The following FGF14 variants were observed in gnomAD, a reference collection of about 807,000 sequenced individuals.
FGF14 encodes fibroblast growth factor 14.
Under a neutral mutation model 25.5 loss-of-function variants are expected in FGF14, and 5 were observed. The ratio of observed to expected loss-of-function variants is 0.20; its 90% CI spans 0.10 to 0.41. FGF14 has a LOEUF of 0.41. Ranked by LOEUF, FGF14 falls within the 10% of genes least tolerant of loss-of-function variation. The probability of loss-of-function intolerance (pLI) is 1.00; values close to 1 mark genes in which losing one functional copy is unlikely to be tolerated. For synonymous variants in FGF14, 138 were observed against 118.3 expected, an observed-to-expected ratio of 1.17 and a Z score of -1.08; for missense variants, 222 against 320.1, an observed-to-expected ratio of 0.69 and a Z score of 2.34.
intron 1 of FGF14, among the ~76,000 whole-genome samples, chr13:102,273,209 T>C (rs1469347916): frequency 6.6e-6 from 1 of 152,194 alleles, no homozygotes; most frequent in Non-Finnish European, 1.5e-5. Flanking sequence ...TGAGTAACTT[T>C]TGGACAGGGA....
chr13:102,370,362 T>A (rs1375190451), intron 1 of FGF14, among the ~76,000 whole-genome samples: 1 of 152,136 alleles, frequency 6.6e-6, no homozygotes, highest in African/African-American at 2.4e-5. Context: ...ATTTTTTAAA[T>A]TTTTAGTGAT....
intron 1 of FGF14, among the ~76,000 whole-genome samples, chr13:102,117,453 CA>C (rs2045525545): frequency 6.6e-6 from 1 of 152,288 alleles, no homozygotes; most frequent in African/African-American, 2.4e-5. Context: ...CAGGAAGCCT[CA>C]ACTCGGCTTC....
At chr13:101,767,526 A>T (rs945805316) in intron 3 of FGF14, among the ~76,000 whole-genome samples, 6 of 152,182 alleles carry the variant, frequency 3.9e-5, no homozygotes, top group African/African-American at 1.4e-4. Flanking sequence ...CAAGCTCTAA[A>T]TGTGTGCTTG....
intron 1 of FGF14, among the ~76,000 whole-genome samples, chr13:102,261,158 T>A (rs1315507670): frequency 6.6e-6 from 1 of 152,186 alleles, no homozygotes; most frequent in Non-Finnish European, 1.5e-5. Context: ...GGGATCCTAA[T>A]AAGATCCACT....
chr13:102,325,044 TA>T (rs1350254679), intron 1 of FGF14, among the ~76,000 whole-genome samples: 1 of 151,916 alleles, frequency 6.6e-6, no homozygotes, highest in African/African-American at 2.4e-5. Flanking sequence ...AAGATTTTTT[TA>T]AAAAAAGAGG....
At chr13:101,926,570 T>G (rs1263885862) in intron 1 of FGF14, among the ~76,000 whole-genome samples, 1 of 152,264 alleles carries the variant, frequency 6.6e-6, no homozygotes, top group Non-Finnish European at 1.5e-5. Flanking sequence ...ATTGTGAGAA[T>G]GCATTTTTCT....
At chr13:101,832,496 G>A (rs1451698301) in intron 3 of FGF14, among the ~76,000 whole-genome samples, 3 of 152,086 alleles carry the variant, frequency 2.0e-5, no homozygotes, top group Admixed American at 6.6e-5. Context: ...AGAAGCTTGA[G>A]TTGGTCACTT....
intron 1 of FGF14, among the ~76,000 whole-genome samples, chr13:102,366,964 C>G (rs1398450640): frequency 6.6e-6 from 1 of 152,048 alleles, no homozygotes; most frequent in East Asian, 1.9e-4. Context: ...ATTTAGCTAA[C>G]TTAAAAACTC....
chr13:101,904,250 G>C (rs183665224), intron 1 of FGF14, among the ~76,000 whole-genome samples: 259 of 152,280 alleles, frequency 1.7e-3, no homozygotes, highest in African/African-American at 6.0e-3. Flanking sequence ...ACCATGAAGA[G>C]TGGCAGTTTT....
chr13:101,819,965 C>T (rs2042031150), intron 3 of FGF14, among the ~76,000 whole-genome samples: 1 of 152,202 alleles, frequency 6.6e-6, no homozygotes. Flanking sequence ...ACATTATACT[C>T]ATCATTTTTC....
chr13:101,922,812 T>TA (rs1264621876), intron 1 of FGF14, among the ~76,000 whole-genome samples: 2,030 of 143,188 alleles, frequency 0.014, 48 homozygotes, highest in African/African-American at 0.044. Flanking sequence ...TACAGTTTAC[T>TA]AAAAAAAAAA....
intron 1 of FGF14, among the ~76,000 whole-genome samples, chr13:102,344,113 A>T (rs2057032607): frequency 6.6e-6 from 1 of 152,232 alleles, no homozygotes; most frequent in Non-Finnish European, 1.5e-5. Flanking sequence ...AGAAGGCATG[A>T]AACTCAATCA....
At chr13:101,885,425 C>T (rs2045939213) in intron 1 of FGF14, among the ~76,000 whole-genome samples, 1 of 152,014 alleles carries the variant, frequency 6.6e-6, no homozygotes, top group African/African-American at 2.4e-5. Flanking sequence ...CCGACTCTCC[C>T]AAATGTACAT....
At chr13:102,175,990 C>T (rs1210867106) in intron 1 of FGF14, among the ~76,000 whole-genome samples, 2 of 151,860 alleles carry the variant, frequency 1.3e-5, no homozygotes, top group East Asian at 3.9e-4. Flanking sequence ...TAGTACAACC[C>T]CCACGGAAAA....
At chr13:102,091,022 CCTCT>C (rs1264901561) in intron 1 of FGF14, among the ~76,000 whole-genome samples, 5 of 152,064 alleles carry the variant, frequency 3.3e-5, no homozygotes, top group South Asian at 2.1e-4. Flanking sequence ...TTGCTAACTC[CCTCT>C]AAGAATAATC....
chr13:102,342,393 A>G (rs983911527), intron 1 of FGF14, among the ~76,000 whole-genome samples: 5 of 152,134 alleles, frequency 3.3e-5, no homozygotes, highest in African/African-American at 1.2e-4. Flanking sequence ...GAAATCCTAC[A>G]TAAGTTACTT....
intron 1 of FGF14, among the ~76,000 whole-genome samples, chr13:102,081,524 T>A (rs540988652): frequency 1.1e-4 from 17 of 152,282 alleles, no homozygotes; most frequent in African/African-American, 3.4e-4. Flanking sequence ...ATATCCCCAA[T>A]GATATTCTCT....
At chr13:101,891,894 G>T (rs1238464383) in intron 1 of FGF14, among the ~76,000 whole-genome samples, 1 of 152,108 alleles carries the variant, frequency 6.6e-6, no homozygotes, top group Non-Finnish European at 1.5e-5. Context: ...GAGAACTTCT[G>T]ATACATGCTT....
At chr13:101,813,523 T>C (rs143636085) in intron 3 of FGF14, among the ~76,000 whole-genome samples, 8 of 152,176 alleles carry the variant, frequency 5.3e-5, no homozygotes, top group Admixed American at 2.0e-4. Flanking sequence ...GGCTTGATCT[T>C]GAACTTCCCA....
Sources: gnomAD v4.1 joint callset for allele counts (sites outside exome capture counted in the v4.1 genomes callset) on GRCh38, gnomAD v4.1.1 for gene constraint, MANE v1.5 for transcripts, NCBI Gene and HGNC (gene_info 2026-07-23, HGNC 2026-07-21) for gene names.